Variants in HECW1 observed in about 807,000 individuals in gnomAD.
HECW1 encodes HECT, C2 and WW domain containing E3 ubiquitin protein ligase 1.
In HECW1, 61 loss-of-function variants were observed where a neutral mutation model predicts 182.3. The ratio of observed to expected loss-of-function variants is 0.33; its 90% CI spans 0.27 to 0.41. The LOEUF (loss-of-function observed/expected upper bound fraction) is 0.41. Ranked by LOEUF, HECW1 falls within the 10% of genes least tolerant of loss-of-function variation. The pLI is 1.00. For missense variants in HECW1, 1,739 were observed against 2,108.9 expected, an observed-to-expected ratio of 0.82 and a Z score of 3.44; for synonymous variants, 859 against 832.6, an observed-to-expected ratio of 1.03 and a Z score of -0.55.
intron 3 of HECW1, among the ~76,000 whole-genome samples, chr7:43,262,760 G>A (rs747610127): frequency 6.6e-6 from 1 of 152,082 alleles, no homozygotes; most frequent in African/African-American, 2.4e-5. Context: ...TAAATAGACC[G>A]GAGATGTTCT....
chr7:43,470,926 G>A (rs2077997714), intron 16 of HECW1, among the ~76,000 whole-genome samples: 1 of 152,218 alleles, frequency 6.6e-6, no homozygotes, highest in Admixed American at 6.5e-5. Flanking sequence ...AAGGAGGATA[G>A]TGGGAAAAAT....
chr7:43,481,183 C>G (rs1563035561), intron 17 of HECW1, among the ~76,000 whole-genome samples: 1 of 152,220 alleles, frequency 6.6e-6, no homozygotes, highest in Non-Finnish European at 1.5e-5. Context: ...CTACAGAAAG[C>G]AATGCCCCAG....
intron 2 of HECW1, among the ~76,000 whole-genome samples, chr7:43,165,404 G>GA (rs1554297142): frequency 6.6e-6 from 1 of 151,326 alleles, no homozygotes; most frequent in Non-Finnish European, 1.5e-5. Context: ...TGGCGGGGGG[G>GA]GGTGTTTGTG....
intron 13 of HECW1, among the ~76,000 whole-genome samples, chr7:43,461,151 G>A (rs978605948): frequency 1.3e-5 from 2 of 152,208 alleles, no homozygotes; most frequent in Non-Finnish European, 2.9e-5. Flanking sequence ...GTTCTGGTTT[G>A]ATTGAGCCCA....
rs181638466 is a variant in HECW1 at position 43,213,323 on chromosome 7, A to G, written c.-31-30552A>G. 3.9e-5 allele frequency among the ~76,000 whole-genome samples: 6 copies of G among 152,256 alleles called. No individual in the cohort carries two copies. The East Asian group carries it at 1.2e-3, about 29-fold the overall frequency. On this transcript the variant is annotated intron_variant, in intron 2 of 29. Coordinates refer to ENST00000395891, the MANE Select transcript of HECW1 (RefSeq NM_015052.5). ...ATGATAAGAGACTTTATCATAAATG[A>G]CATGTGCTTATTTTGTTTGGATCAT...
chr7:43,396,947 A>G, intron 7 of HECW1, 58 bp downstream of exon 7: 1 of 1,230,952 alleles, frequency 8.1e-7, no homozygotes, highest in Non-Finnish European at 1.2e-6. Context: ...CCAAGAGTGA[A>G]GACACTCACT....
At chr7:43,252,299 G>A (rs749245912) in intron 3 of HECW1, among the ~76,000 whole-genome samples, 45 of 152,186 alleles carry the variant, frequency 3.0e-4, no homozygotes, top group Non-Finnish European at 5.6e-4. Context: ...TCAGTGAGGA[G>A]TTGTCTGATG....
intron 8 of HECW1, among the ~76,000 whole-genome samples, chr7:43,417,411 C>T (rs1047946874): frequency 6.6e-6 from 1 of 152,170 alleles, no homozygotes; most frequent in African/African-American, 2.4e-5. Flanking sequence ...ATCATGAGCT[C>T]CTTCCCCTGG....
chr7:43,348,289 G>C (rs1365628657), intron 5 of HECW1, among the ~76,000 whole-genome samples: 6 of 152,086 alleles, frequency 3.9e-5, no homozygotes, highest in African/African-American at 1.4e-4. Context: ...AAGTTTTCTA[G>C]TTTATGTGCA....
chr7:43,168,297 A>G lies in HECW1; in HGVS notation c.-32+53906A>G, dbSNP rs188639828. Among the ~76,000 whole-genome samples, 497 of 152,278 alleles carry G rather than the reference A, an allele frequency of 3.3e-3. 1 individual carries two copies. The highest frequency in any genetic ancestry group is 0.012 in the African/African-American group (482 of 41,552). On this transcript the variant is annotated intron_variant, in intron 2 of 29. Coordinates refer to ENST00000395891, the MANE Select transcript of HECW1 (RefSeq NM_015052.5). ...GAGAGAGAGAGACAAGGAAACATAC[A>G]GCTATTATACAGTATGTGGTGTGCA... is the stretch of plus-strand genomic sequence containing the variant.
At chr7:43,296,315 A>C (rs1451877291) in intron 3 of HECW1, among the ~76,000 whole-genome samples, 2 of 152,184 alleles carry the variant, frequency 1.3e-5, no homozygotes, top group Non-Finnish European at 2.9e-5. Context: ...GTATTTTTCA[A>C]ATTTTTAGCA....
chr7:43,470,311 T>C (rs1027460292), intron 16 of HECW1, among the ~76,000 whole-genome samples: 1 of 152,150 alleles, frequency 6.6e-6, no homozygotes, highest in Non-Finnish European at 1.5e-5. Flanking sequence ...GTAGCCACGT[T>C]TACATTTATT....
intron 3 of HECW1, 142 bp downstream of exon 3, chr7:43,244,074 A>C (rs1473260244): frequency 1.3e-6 from 1 of 741,370 alleles, no homozygotes; most frequent in East Asian, 2.6e-5. Context: ...TGGACATTTG[A>C]GATCCATCAC....
chr7:43,155,459 G>A (rs1180336784), intron 2 of HECW1, among the ~76,000 whole-genome samples: 1 of 152,078 alleles, frequency 6.6e-6, no homozygotes, highest in Non-Finnish European at 1.5e-5. Flanking sequence ...GGAAGAACAA[G>A]TAAACAAAGG....
intron 9 of HECW1, 85 bp from the exon 10 acceptor site, chr7:43,442,444 C>T: frequency 1.1e-6 from 1 of 932,638 alleles, no homozygotes; most frequent in Non-Finnish European, 1.7e-6. Flanking sequence ...TTGCCTGCCT[C>T]ACCCACTGGT....
intron 29 of HECW1, among the ~76,000 whole-genome samples, chr7:43,561,458 T>C (rs2082205782): frequency 1.3e-5 from 2 of 152,352 alleles, no homozygotes; most frequent in South Asian, 4.1e-4. Context: ...CTTAGGAATA[T>C]AATCCTTCAA....
At chr7:43,160,069 T>G (rs1485050774) in intron 2 of HECW1, among the ~76,000 whole-genome samples, 1 of 152,236 alleles carries the variant, frequency 6.6e-6, no homozygotes, top group East Asian at 1.9e-4. Context: ...ATTGTTTCAC[T>G]TCACATTATT....
chr7:43,353,651 T>A (rs1156308216), intron 5 of HECW1, among the ~76,000 whole-genome samples: 1 of 152,068 alleles, frequency 6.6e-6, no homozygotes, highest in African/African-American at 2.4e-5. Flanking sequence ...TCAATCTACC[T>A]GGCACCAAGT....
chr7:43,375,129 C>T (rs1186091218), intron 6 of HECW1, among the ~76,000 whole-genome samples: 1 of 152,148 alleles, frequency 6.6e-6, no homozygotes, highest in Non-Finnish European at 1.5e-5. Flanking sequence ...ATTGAATTTA[C>T]TCCAAAAGGA....
Sources: gnomAD v4.1 joint callset for allele counts (sites outside exome capture counted in the v4.1 genomes callset) on GRCh38, gnomAD v4.1.1 for gene constraint, MANE v1.5 for transcripts, NCBI Gene and HGNC (gene_info 2026-07-23, HGNC 2026-07-21) for gene names.